GOPC: variants seen among roughly 807,000 people sequenced by gnomAD.
GOPC encodes the protein Golgi-associated PDZ and coiled-coil motif-containing protein.
GOPC carries 32 observed loss-of-function variants against 51.2 expected under a neutral mutation model. That is an observed-to-expected ratio of 0.63 (90% CI 0.47 to 0.84). The LOEUF (loss-of-function observed/expected upper bound fraction) is 0.84, where lower values mean the gene tolerates loss of function less well. Ranked by LOEUF, GOPC falls within the 40% of genes least tolerant of loss-of-function variation. The pLI, the probability that GOPC is intolerant of heterozygous loss-of-function variation, is 0.00. For synonymous variants in GOPC, 190 were observed against 205.1 expected (o/e 0.93, Z 0.63); for missense variants, 441 against 555.5 (o/e 0.79, Z 2.07).
In GOPC at chr6:117,562,575, A is replaced by T. The variant is rs1779606568; in HGVS notation, c.*679T>A. Reference sequence around the variant, plus strand: ...TGCATTTCTTTTAAAAAACAAAAAAAGTAAAATGTTTAGTAACTTTTGAGA... The same window carrying T: ...TGCATTTCTTTTAAAAAACAAAAAATGTAAAATGTTTAGTAACTTTTGAGA... On this transcript the variant is annotated 3_prime_UTR_variant, in exon 9 of 9. Transcript: ENST00000368498. 9.8e-6 allele frequency: 2 copies of T among 203,130 alleles called. No homozygotes were observed. Among genetic ancestry groups the T allele is most frequent in the East Asian group, 1.5e-4 (2 of 13,032 alleles). 12.6% of individuals were successfully genotyped at this position (203,130 alleles called of 1,614,324 possible).
rs576056659 is a variant in GOPC at position 117,573,482 on chromosome 6, T to C, written c.801A>G (p.Gln267=). The change falls in exon 5 of 9, where the codon CAA becomes CAG. Residue 267 remains glutamine, a synonymous_variant. Transcript: ENST00000368498. The part of the protein sequence containing the change: ...RGRNDLKRPM[Q]APPGHDQDSL... ...GCAAACATACATGGCCTGGTGGTGC[T>C]TGCATTGGTCGTTTCAAGTCATTAC... is the stretch of plus-strand genomic sequence containing the variant. 6.2e-7 allele frequency: 1 copy of C among 1,613,836 alleles called. No homozygotes were observed. Among genetic ancestry groups the C allele is most frequent in the South Asian group, 1.1e-5 (1 of 90,984 alleles).
intron 2 of GOPC, among the ~76,000 whole-genome samples, chr6:117,577,854 A>T (rs1779905331): frequency 6.6e-6 from 1 of 152,138 alleles, no homozygotes; most frequent in Non-Finnish European, 1.5e-5. Context: ...ACAGATTCAC[A>T]GAGTTAGAAA....
intron 7 of GOPC, among the ~76,000 whole-genome samples, chr6:117,567,476 G>T (rs1351228966): frequency 1.3e-5 from 2 of 152,042 alleles, no homozygotes; most frequent in Admixed American, 1.3e-4. Flanking sequence ...CCTAGAAAAT[G>T]ATTTTTGTAC....
chr6:117,566,843 G>A lies in GOPC; in HGVS notation c.1258+11C>T. 6.6e-7 allele frequency: 1 copy of A among 1,509,022 alleles called. No homozygotes were observed. The highest frequency in any genetic ancestry group is 2.3e-5 in the East Asian group (1 of 42,808). The allele number at this position is 1,509,022 out of a possible 1,614,324, so 93.5% of individuals were successfully genotyped here. On this transcript the variant is annotated intron_variant, in intron 8 of 8. Coordinates refer to ENST00000368498, the MANE Select transcript of GOPC (RefSeq NM_020399.4). ...GAATATGTTAATAATAATTTTTAGA[G>A]TGATTTTTACCTTGTAATACTTTGA...
chr6:117,574,229 C>T (rs945679736), intron 4 of GOPC, among the ~76,000 whole-genome samples: 6 of 149,082 alleles, frequency 4.0e-5, no homozygotes, highest in Non-Finnish European at 5.9e-5. Flanking sequence ...CCATCCTGAG[C>T]GACAGAGTGA....
In GOPC at chr6:117,596,749, A is replaced by G. The variant is rs1780203445; in HGVS notation, c.285+5255T>C. Among the ~76,000 whole-genome samples, 6 of 152,186 alleles carry G rather than the reference A, an allele frequency of 3.9e-5. No individual in the cohort carries two copies. In the South Asian group the frequency reaches 1.2e-3, roughly 32 times the overall value. ...GTTCTCTATTCTGTTGCATTTGTCT[A>G]TATGTCTGTTTTTATACCAGTATCA... On this transcript the variant is annotated intron_variant, in intron 1 of 8. Transcript: ENST00000368498.
chr6:117,563,185 C>T lies in GOPC; in HGVS notation c.*69G>A, dbSNP rs1242847602. 14 of 1,445,856 alleles carry T rather than the reference C, an allele frequency of 9.7e-6. No individual in the cohort carries two copies. The highest frequency in any genetic ancestry group is 9.0e-5 in the Admixed American group (5 of 55,634). The allele number at this position is 1,445,856 out of a possible 1,614,324, so 89.6% of individuals were successfully genotyped here. A position where few individuals can be genotyped will look rare whatever the true frequency, so the allele number is the denominator to read the frequency against. ...CCTCCCCTGATTTTGTAGTCTTTGT[C>T]ACCATCTTCCCCAGTGCCCCAAATT... On this transcript the variant is annotated 3_prime_UTR_variant, in exon 9 of 9. Coordinates refer to ENST00000368498, the MANE Select transcript of GOPC (RefSeq NM_020399.4).
intron 1 of GOPC, among the ~76,000 whole-genome samples, chr6:117,595,755 A>C (rs1280827950): frequency 2.6e-5 from 4 of 152,178 alleles, no homozygotes; most frequent in Non-Finnish European, 2.9e-5. Context: ...GTAATATTCC[A>C]GGTGTCTGTA....
chr6:117,566,899 C>G lies in GOPC; in HGVS notation c.1213G>C (p.Gly405Arg), dbSNP rs768920031. Residue 405 changes from glycine to arginine, a missense_variant, in exon 8 of 9, where the codon GGT (glycine) becomes CGT (arginine). Gly to Arg is a moderately radical substitution (Grantham distance 125, BLOSUM62 -2). This residue lies in a region of GOPC where 71 missense variants were observed against 68.8 expected (regional missense o/e 1.03). Transcript: ENST00000368498. ...LDELEGGGNP[G>R]ASCKDTSGEI... is the part of the protein sequence containing the mutation. ...CCACTTGTGTCTTTGCAACTAGCAC[C>G]AGGGTTACCACCTCCTTCTAACTCA... The G allele has an allele frequency of 6.2e-7, 1 of 1,603,684 alleles. No homozygotes were observed. Among genetic ancestry groups the G allele is most frequent in the African/African-American group, 1.3e-5 (1 of 74,648 alleles).
chr6:117,576,306 G>T (rs368140631), intron 3 of GOPC, among the ~76,000 whole-genome samples: 6 of 151,998 alleles, frequency 3.9e-5, no homozygotes, highest in African/African-American at 1.4e-4. Flanking sequence ...GGAAAAAAAA[G>T]ATTAGAACGT....
At chr6:117,601,980 T>G (rs1433862496) in intron 1 of GOPC, 24 bp downstream of exon 1, 13 of 1,608,750 alleles carry the variant, frequency 8.1e-6, no homozygotes, top group Non-Finnish European at 1.1e-5. Flanking sequence ...TTGGATGCCA[T>G]AGCCGCCAGC....
chr6:117,598,378 A>C (rs1392473235), intron 1 of GOPC, among the ~76,000 whole-genome samples: 2 of 152,036 alleles, frequency 1.3e-5, no homozygotes, highest in African/African-American at 2.4e-5. Context: ...GTCTCAAAAA[A>C]AGAAAAAAAA....
chr6:117,561,160 A>G lies in GOPC; in HGVS notation c.*2094T>C. Reference sequence around the variant, plus strand: ...CTGTGGAGTTTTAAACTACCTGGAAACTTTTCATTCTATTTATCAGTCCTT... The same window carrying G: ...CTGTGGAGTTTTAAACTACCTGGAAGCTTTTCATTCTATTTATCAGTCCTT... On this transcript the variant is annotated 3_prime_UTR_variant, in exon 9 of 9. Coordinates refer to ENST00000368498, the MANE Select transcript of GOPC (RefSeq NM_020399.4). The G allele has an allele frequency of 4.5e-6, 1 of 224,500 alleles. No homozygotes were observed. The highest frequency in any genetic ancestry group is 8.9e-6 in the Non-Finnish European group (1 of 112,584). The allele number at this position is 224,500 out of a possible 1,614,324, so 13.9% of individuals were successfully genotyped here.
intron 8 of GOPC, among the ~76,000 whole-genome samples, chr6:117,565,917 C>T (rs1583049051): frequency 6.6e-6 from 1 of 152,136 alleles, no homozygotes; most frequent in African/African-American, 2.4e-5. Flanking sequence ...CATCTTTGTT[C>T]AGTGTGCAGA....
intron 2 of GOPC, among the ~76,000 whole-genome samples, chr6:117,578,400 A>C (rs2114614310): frequency 6.6e-6 from 1 of 152,266 alleles, no homozygotes; most frequent in Middle Eastern, 3.4e-3. Context: ...TGCAGACATG[A>C]AGAAATCCTG....
chr6:117,565,538 T>C (rs1361097037), intron 8 of GOPC, among the ~76,000 whole-genome samples: 3 of 152,206 alleles, frequency 2.0e-5, no homozygotes, highest in Non-Finnish European at 2.9e-5. Flanking sequence ...TGAAAAATAT[T>C]GGACCATGAA....
rs200247823 is a variant in GOPC at position 117,579,081 on chromosome 6, T to C, written c.286-17A>G. ...CAACTGTGCCTTATAAAGAAAACAA[T>C]AGAAGAAATTAAGGATGCTTAATTT... On this transcript the variant is annotated splice_polypyrimidine_tract_variant and intron_variant, in intron 1 of 8. Transcript: ENST00000368498. 119 of 1,569,940 alleles carry C rather than the reference T, an allele frequency of 7.6e-5. No individual in the cohort carries two copies. Among genetic ancestry groups the C allele is most frequent in the African/African-American group, 2.3e-4 (17 of 73,076 alleles).
Position 117,579,393 on chromosome 6 carries a change from G to A in GOPC, c.286-329C>T, listed in dbSNP as rs1779927158. Reference sequence around the variant, plus strand: ...GCTTATGAAAACACAAAACTATGAGGTGGTTCACCATGTGGTAGAGACAAT... The same window carrying A: ...GCTTATGAAAACACAAAACTATGAGATGGTTCACCATGTGGTAGAGACAAT... On this transcript the variant is annotated intron_variant, in intron 1 of 8. Transcript: ENST00000368498. 2.6e-5 allele frequency among the ~76,000 whole-genome samples: 4 copies of A among 151,998 alleles called. No individual in the cohort carries two copies. In the South Asian group the frequency reaches 8.3e-4, roughly 31 times the overall value.
Position 117,570,884 on chromosome 6 carries a change from A to G in GOPC, c.888T>C (p.His296=), listed in dbSNP as rs2114608689. The change falls in exon 6 of 9, where the codon CAT becomes CAC. Residue 296 remains histidine, a synonymous_variant. Coordinates refer to ENST00000368498, the MANE Select transcript of GOPC (RefSeq NM_020399.4). The part of the protein sequence containing the change: ...IRKVLLLKED[H]EGLGISITGG... Reference sequence around the variant, plus strand: ...CTGTAATTGAAATGCCAAGGCCTTCATGATCTTCCTTAAGGAGGAGAACTT... The same window carrying G: ...CTGTAATTGAAATGCCAAGGCCTTCGTGATCTTCCTTAAGGAGGAGAACTT... The G allele has an allele frequency of 6.3e-7, 1 of 1,588,048 alleles. No homozygotes were observed. The highest frequency in any genetic ancestry group is 8.6e-7 in the Non-Finnish European group (1 of 1,161,822).
Sources: gnomAD v4.1 joint callset for allele counts (sites outside exome capture counted in the v4.1 genomes callset) on GRCh38, gnomAD v4.1.1 for gene constraint, gnomAD v4.1.1 regional missense constraint, MANE v1.5 for transcripts, NCBI Gene and HGNC (gene_info 2026-07-23, HGNC 2026-07-21) for gene names.